Variants in NRXN1 observed in about 807,000 individuals in gnomAD.
NRXN1 encodes neurexin-1.
In NRXN1, 39 loss-of-function variants were observed where a neutral mutation model predicts 150.9. That is an observed-to-expected ratio of 0.26 (90% CI 0.20 to 0.34). The LOEUF (loss-of-function observed/expected upper bound fraction) is 0.34, where lower values mean the gene tolerates loss of function less well. Among genes scored for constraint, NRXN1 ranks in the 10% least tolerant of loss-of-function variants. The pLI is 1.00. For missense variants in NRXN1, 1,815 were observed against 1,949.9 expected (o/e 0.93, Z 1.30); for synonymous variants, 924 against 757.0 (o/e 1.22, Z -3.62).
At chr2:50,562,802 G>A (rs190240976) in intron 8 of NRXN1, among the ~76,000 whole-genome samples, 17 of 152,040 alleles carry the variant, frequency 1.1e-4, no homozygotes, top group African/African-American at 1.7e-4. Context: ...AGATTCTATG[G>A]CTGAGCACGC....
chr2:50,494,606 C>T (rs1008562799), intron 15 of NRXN1, among the ~76,000 whole-genome samples: 26 of 152,298 alleles, frequency 1.7e-4, no homozygotes, highest in Admixed American at 7.8e-4. Flanking sequence ...AGAAGGGAGA[C>T]GGCCATTACC....
At chr2:50,138,588 C>T (rs1270653009) in intron 18 of NRXN1, among the ~76,000 whole-genome samples, 3 of 152,204 alleles carry the variant, frequency 2.0e-5, no homozygotes, top group African/African-American at 7.2e-5. Context: ...CTCACTGCCC[C>T]GTTAGCTATC....
chr2:50,550,845 T>C (rs1157305551), intron 9 of NRXN1, among the ~76,000 whole-genome samples: 1 of 151,648 alleles, frequency 6.6e-6, no homozygotes, highest in Non-Finnish European at 1.5e-5. Context: ...CACGCCCGAC[T>C]AATTTTTTTG....
chr2:50,059,191 G>A (rs1694103685), intron 19 of NRXN1, among the ~76,000 whole-genome samples: 1 of 152,156 alleles, frequency 6.6e-6, no homozygotes, highest in African/African-American at 2.4e-5. Context: ...AGATGGAGAT[G>A]AGGAACTTAT....
chr2:50,195,818 A>C (rs886237197), intron 18 of NRXN1, among the ~76,000 whole-genome samples: 5 of 152,110 alleles, frequency 3.3e-5, no homozygotes, highest in Non-Finnish European at 7.4e-5. Context: ...AATAATATTA[A>C]TGATTTTAAA....
chr2:50,214,277 C>T (rs1205941081), intron 18 of NRXN1, among the ~76,000 whole-genome samples: 1 of 151,906 alleles, frequency 6.6e-6, no homozygotes, highest in Non-Finnish European at 1.5e-5. Flanking sequence ...GATCACAATT[C>T]CTGAACATAT....
At chr2:50,974,197 T>C (rs1342098189) in intron 2 of NRXN1, among the ~76,000 whole-genome samples, 1 of 152,152 alleles carries the variant, frequency 6.6e-6, no homozygotes, top group African/African-American at 2.4e-5. Flanking sequence ...ACTATTTCAA[T>C]AAAAGTTATA....
intron 2 of NRXN1, among the ~76,000 whole-genome samples, chr2:51,013,602 T>C (rs1446246224): frequency 6.6e-6 from 1 of 151,958 alleles, no homozygotes; most frequent in Non-Finnish European, 1.5e-5. Flanking sequence ...ACTGAAAATA[T>C]ATTTCAAATG....
chr2:50,259,202 C>T (rs1038771647), intron 17 of NRXN1, among the ~76,000 whole-genome samples: 1 of 151,920 alleles, frequency 6.6e-6, no homozygotes, highest in Non-Finnish European at 1.5e-5. Flanking sequence ...GCATCTTCTT[C>T]AAAAACTATA....
chr2:50,619,219 C>T (rs1679545343), intron 8 of NRXN1: 1 of 152,136 alleles, frequency 6.6e-6, no homozygotes, highest in African/African-American at 2.4e-5. Context: ...AAATCTACAC[C>T]ATTAAATTGT....
intron 5 of NRXN1, among the ~76,000 whole-genome samples, chr2:50,682,849 T>G (rs1394941980): frequency 6.6e-6 from 1 of 152,174 alleles, no homozygotes; most frequent in African/African-American, 2.4e-5. Context: ...TTTAGTGGAC[T>G]CAATAGCTGT....
chr2:50,584,774 C>T (rs1672823800), intron 8 of NRXN1, among the ~76,000 whole-genome samples: 1 of 152,160 alleles, frequency 6.6e-6, no homozygotes, highest in Non-Finnish European at 1.5e-5. Context: ...ATGCTGCAAC[C>T]ACAGTATATC....
chr2:50,515,600 GGTGTGTGTGT>G (rs60612860), intron 12 of NRXN1, among the ~76,000 whole-genome samples: 11 of 143,504 alleles, frequency 7.7e-5, no homozygotes, highest in African/African-American at 2.3e-4. Context: ...AAATGCTTGG[GGTGTGTGTGT>G]GTGTGTGTGT....
chr2:50,456,822 G>T (rs1221343821), intron 17 of NRXN1, among the ~76,000 whole-genome samples: 1 of 151,858 alleles, frequency 6.6e-6, no homozygotes, highest in Non-Finnish European at 1.5e-5. Context: ...GACCTTCATA[G>T]GCCACACTAA....
intron 5 of NRXN1, among the ~76,000 whole-genome samples, chr2:50,774,528 T>A (rs1354136762): frequency 6.6e-6 from 1 of 152,188 alleles, no homozygotes; most frequent in Non-Finnish European, 1.5e-5. Flanking sequence ...AAAGTATGTT[T>A]TATAAAATAA....
chr2:50,612,588 T>G (rs1377288434), intron 8 of NRXN1, among the ~76,000 whole-genome samples: 4 of 152,190 alleles, frequency 2.6e-5, no homozygotes, highest in African/African-American at 9.7e-5. Flanking sequence ...TTATTATGCT[T>G]TCTCTGGAAT....
At chr2:50,439,812 G>A (rs1290889780) in intron 17 of NRXN1, among the ~76,000 whole-genome samples, 2 of 115,958 alleles carry the variant, frequency 1.7e-5, no homozygotes, top group African/African-American at 3.7e-5. Flanking sequence ...GTGAGACTCT[G>A]TCTCAAAAAA....
intron 10 of NRXN1, among the ~76,000 whole-genome samples, chr2:50,537,291 G>A (rs542699860): frequency 3.9e-5 from 6 of 152,118 alleles, no homozygotes; most frequent in Non-Finnish European, 8.8e-5. Flanking sequence ...TAGCAGGTGA[G>A]GACAATGGAA....
intron 5 of NRXN1, among the ~76,000 whole-genome samples, chr2:50,829,942 C>CAGAA (rs1239627212): frequency 7.7e-6 from 1 of 130,044 alleles, no homozygotes; most frequent in African/African-American, 2.9e-5. Context: ...AATGTGAGTT[C>CAGAA]TGTTCTACTT....
Sources: gnomAD v4.1 joint callset for allele counts (sites outside exome capture counted in the v4.1 genomes callset) on GRCh38, gnomAD v4.1.1 for gene constraint, MANE v1.5 for transcripts, NCBI Gene and HGNC (gene_info 2026-07-23, HGNC 2026-07-21) for gene names.